NOL4: variants seen among roughly 807,000 people sequenced by gnomAD.
NOL4 encodes the protein cancer/testis antigen 125.
A neutral mutation model predicts 75.9 loss-of-function variants in NOL4; 17 were observed. The observed-to-expected ratio is 0.22, with a 90% CI of 0.15 to 0.34. The LOEUF is 0.34. Ranked by LOEUF, NOL4 falls within the 10% of genes least tolerant of loss-of-function variation. The pLI is 1.00. For missense variants in NOL4, 614 were observed against 793.5 expected (o/e 0.77, Z 2.72); for synonymous variants, 292 against 289.9 (o/e 1.01, Z -0.07).
chr18:34,144,052 A>C (rs1460591643), intron 1 of NOL4, among the ~76,000 whole-genome samples: 1 of 152,068 alleles, frequency 6.6e-6, no homozygotes, highest in Non-Finnish European at 1.5e-5. Flanking sequence ...AATCACAATA[A>C]TCCTCCATTA....
intron 5 of NOL4, among the ~76,000 whole-genome samples, chr18:34,080,467 G>A (rs867063133): frequency 3.3e-5 from 5 of 152,052 alleles, no homozygotes; most frequent in Non-Finnish European, 5.9e-5. Context: ...TATAGACTCC[G>A]ATGTTAATAA....
intron 6 of NOL4, among the ~76,000 whole-genome samples, chr18:33,975,283 T>C (rs1600115501): frequency 1.3e-5 from 2 of 152,302 alleles, no homozygotes; most frequent in African/African-American, 4.8e-5. Flanking sequence ...CACTTAAAAA[T>C]AGTTAAGATG....
chr18:33,857,700 T>C (rs950248543), intron 10 of NOL4, among the ~76,000 whole-genome samples: 2 of 152,076 alleles, frequency 1.3e-5, no homozygotes, highest in African/African-American at 2.4e-5. Context: ...GTAATGAACA[T>C]GGTTAATTGA....
chr18:33,986,386 T>C (rs1016833349), intron 6 of NOL4, among the ~76,000 whole-genome samples: 3 of 152,042 alleles, frequency 2.0e-5, no homozygotes, highest in Non-Finnish European at 4.4e-5. Context: ...AATAACTAAA[T>C]ATGCCCTTGA....
At chr18:34,089,948 C>T (rs76342217) in intron 5 of NOL4, among the ~76,000 whole-genome samples, 1,973 of 152,002 alleles carry the variant, frequency 0.013, 12 homozygotes, top group Middle Eastern at 0.034. Context: ...CACACACACA[C>T]GCACAAACAC....
intron 9 of NOL4, among the ~76,000 whole-genome samples, chr18:33,913,730 T>A (rs997450296): frequency 6.6e-6 from 1 of 151,968 alleles, no homozygotes; most frequent in East Asian, 1.9e-4. Flanking sequence ...CACTCCAGAG[T>A]TGGAAGAATT....
At chr18:33,971,780 T>C (rs75655298) in intron 6 of NOL4, among the ~76,000 whole-genome samples, 2 of 152,114 alleles carry the variant, frequency 1.3e-5, no homozygotes, top group Admixed American at 6.5e-5. Context: ...TATTTTTTTT[T>C]CTGCTGTAAT....
chr18:34,155,589 CTA>C (rs1355247466), intron 1 of NOL4, among the ~76,000 whole-genome samples: 3 of 151,936 alleles, frequency 2.0e-5, no homozygotes, highest in Non-Finnish European at 2.9e-5. Context: ...GGTTACAAAC[CTA>C]TACAGCATGT....
chr18:34,195,049 A>C (rs2035231217), intron 1 of NOL4, among the ~76,000 whole-genome samples: 1 of 151,866 alleles, frequency 6.6e-6, no homozygotes, highest in African/African-American at 2.4e-5. Context: ...AAGAAAGAAA[A>C]GAAAAAGAAA....
intron 1 of NOL4, among the ~76,000 whole-genome samples, chr18:34,159,322 A>G (rs545854620): frequency 1.3e-5 from 2 of 152,258 alleles, no homozygotes; most frequent in East Asian, 3.9e-4. Flanking sequence ...CGGAGGAGGA[A>G]GGCCAAGGCT....
Position 34,093,454 on chromosome 18 carries a change from G to A in NOL4, c.772+11C>T, listed in dbSNP as rs2078622678. Reference sequence around the variant, plus strand: ...GTTGTTTTGCTTATTTAGTCAAACTGAAAGGCTTACCATCTTGCTGGCCAT... The same window carrying A: ...GTTGTTTTGCTTATTTAGTCAAACTAAAAGGCTTACCATCTTGCTGGCCAT... On this transcript the variant is annotated intron_variant, in intron 5 of 10. Transcript: ENST00000261592. 1.3e-6 allele frequency: 2 copies of A among 1,562,446 alleles called. No individual in the cohort carries two copies. Among genetic ancestry groups the A allele is most frequent in the South Asian group, 2.4e-5 (2 of 83,326 alleles).
intron 1 of NOL4, among the ~76,000 whole-genome samples, chr18:34,188,756 T>C (rs892209967): frequency 7.2e-5 from 11 of 152,164 alleles, no homozygotes; most frequent in African/African-American, 2.7e-4. Flanking sequence ...AGTGTATCAT[T>C]TTCCCAACAT....
At chr18:33,896,598 A>G (rs1487603087) in intron 9 of NOL4, among the ~76,000 whole-genome samples, 1 of 152,178 alleles carries the variant, frequency 6.6e-6, no homozygotes, top group Non-Finnish European at 1.5e-5. Context: ...TTGAAGCTGG[A>G]TCATTTCCAC....
chr18:33,998,406 A>G (rs145636987), intron 6 of NOL4, among the ~76,000 whole-genome samples: 6 of 152,088 alleles, frequency 3.9e-5, no homozygotes, highest in Admixed American at 3.9e-4. Context: ...TTCTCCATGA[A>G]TGCTCCCCAG....
intron 5 of NOL4, among the ~76,000 whole-genome samples, chr18:34,050,662 A>C (rs2076589140): frequency 6.6e-6 from 1 of 152,126 alleles, no homozygotes; most frequent in Admixed American, 6.6e-5. Context: ...TATAGTTTTT[A>C]AATTTTTCCT....
At chr18:34,212,212 A>T (rs565466354) in intron 1 of NOL4, among the ~76,000 whole-genome samples, 1 of 152,322 alleles carries the variant, frequency 6.6e-6, no homozygotes, top group Non-Finnish European at 1.5e-5. Flanking sequence ...AATCAAAGTA[A>T]CTTTTATATA....
intron 2 of NOL4, among the ~76,000 whole-genome samples, chr18:34,117,628 GC>G (rs2079921693): frequency 6.6e-6 from 1 of 152,134 alleles, no homozygotes; most frequent in South Asian, 2.1e-4. Flanking sequence ...AAATTAACAG[GC>G]CATCTGTTCC....
At chr18:34,052,783 A>T (rs1568278217) in intron 5 of NOL4, among the ~76,000 whole-genome samples, 1 of 152,082 alleles carries the variant, frequency 6.6e-6, no homozygotes, top group Admixed American at 6.6e-5. Flanking sequence ...TCTAGGAGAG[A>T]ACTTTTTCCT....
Position 34,019,337 on chromosome 18 carries a change from G to T in NOL4, c.1037C>A (p.Ala346Glu). 6.2e-7 allele frequency: 1 copy of T among 1,612,916 alleles called. No homozygotes were observed. ...TCATACCTTGCTTCCATTTTCTCTC[G>T]CCTCTCGTTCCATCTTGAGGTCAGA... ...LISDLKMERE[A>E]RENGSKSPAH... Residue 346 changes from alanine to glutamate, a missense_variant, in exon 6 of 11, where the codon GCG (alanine) becomes GAG (glutamate). By Grantham distance (107) the Ala-to-Glu change is moderately radical. This residue lies in a region of NOL4 where 196 missense variants were observed against 167.9 expected (regional missense o/e 1.17). Coordinates refer to ENST00000261592, the MANE Select transcript of NOL4 (RefSeq NM_003787.5).
Sources: allele counts gnomAD v4.1 joint callset (sites outside exome capture counted in the v4.1 genomes callset), GRCh38; gene constraint gnomAD v4.1.1; regional missense constraint gnomAD v4.1.1; transcripts MANE v1.5; gene names NCBI Gene and HGNC (gene_info 2026-07-23, HGNC 2026-07-21).